The following SMOC2 variants were observed in gnomAD, a reference collection of about 807,000 sequenced individuals.
The protein encoded by SMOC2 is SPARC related modular calcium binding 2, also known as SPARC-related modular calcium-binding protein 2.
Under a neutral mutation model 61.4 loss-of-function variants are expected in SMOC2, and 39 were observed. The ratio of observed to expected loss-of-function variants is 0.64; its 90% confidence interval spans 0.49 to 0.83. The LOEUF (loss-of-function observed/expected upper bound fraction) is 0.83. Among genes scored for constraint, SMOC2 ranks in the 40% least tolerant of loss-of-function variants. SMOC2 has a pLI of 0.00. For synonymous variants in SMOC2, 247 were observed against 239.9 expected, an observed-to-expected ratio of 1.03 and a Z score of -0.27; for missense variants, 556 against 592.9, an observed-to-expected ratio of 0.94 and a Z score of 0.65.
chr6:168,522,198 CAA>C (rs942696663), intron 2 of SMOC2, among the ~76,000 whole-genome samples: 19 of 152,068 alleles, frequency 1.2e-4, no homozygotes, highest in African/African-American at 4.1e-4. Context: ...AACAGTGTAA[CAA>C]AGACAAAATA....
intron 8 of SMOC2, among the ~76,000 whole-genome samples, chr6:168,602,044 A>G (rs1785566445): frequency 6.6e-6 from 1 of 152,308 alleles, no homozygotes; most frequent in South Asian, 2.1e-4. Flanking sequence ...TTATTCATTC[A>G]TTCAGCACAA....
intron 9 of SMOC2, among the ~76,000 whole-genome samples, chr6:168,638,418 A>G (rs1233675506): frequency 3.3e-5 from 5 of 152,164 alleles, no homozygotes; most frequent in Non-Finnish European, 2.9e-5. Flanking sequence ...GTCTTCCTTC[A>G]TGTTTCTCGT....
chr6:168,470,970 ATG>A (rs987558097), intron 1 of SMOC2, among the ~76,000 whole-genome samples: 5 of 152,322 alleles, frequency 3.3e-5, no homozygotes, highest in Admixed American at 1.3e-4. Context: ...GGAATATCAA[ATG>A]TGAGATGCTG....
Position 168,553,991 on chromosome 6 carries a change from T to A in SMOC2, c.637+4788T>A, listed in dbSNP as rs1784187950. ...TTTCACGTTTTGGTAGGAAGATTAT[T>A]CCATGGGACGAGTCGGTTAAAACTC... On this transcript the variant is annotated intron_variant, in intron 7 of 12. Transcript: ENST00000356284. This position sits in a 1 kb window ranked among gnomAD's most constrained non-coding sequence, Gnocchi z 4.2. 1.3e-5 allele frequency among the ~76,000 whole-genome samples: 2 copies of A among 149,114 alleles called. No individual in the cohort carries two copies. Among genetic ancestry groups the A allele is most frequent in the Non-Finnish European group, 2.9e-5 (2 of 67,812 alleles).
At chr6:168,501,369 G>A (rs1275897156) in intron 1 of SMOC2, among the ~76,000 whole-genome samples, 1 of 152,176 alleles carries the variant, frequency 6.6e-6, no homozygotes, top group Non-Finnish European at 1.5e-5. Context: ...AAGGAGAAGA[G>A]AGTTGCAGAG....
chr6:168,441,224 A>T lies in SMOC2; in HGVS notation c.-147A>T. On this transcript the variant is annotated 5_prime_UTR_variant, in exon 1 of 13. Transcript: ENST00000356284. Reference sequence around the variant, plus strand: ...TGGGTGCCTGCAGGGGAGCTGCTCCAGCCGGGCCGCCGGGAGCGGTGGGGA... The same window carrying T: ...TGGGTGCCTGCAGGGGAGCTGCTCCTGCCGGGCCGCCGGGAGCGGTGGGGA... 1 of 1,264,094 alleles carries T rather than the reference A, an allele frequency of 7.9e-7. No individual in the cohort carries two copies. The highest frequency in any genetic ancestry group is 1.0e-6 in the Non-Finnish European group (1 of 986,856). The allele number at this position is 1,264,094 out of a possible 1,614,324, so 78.3% of individuals were successfully genotyped here.
chr6:168,503,280 G>A (rs945355870), intron 1 of SMOC2, among the ~76,000 whole-genome samples: 63 of 151,382 alleles, frequency 4.2e-4, no homozygotes, highest in African/African-American at 1.5e-3. Context: ...GTTTCAGCAT[G>A]TTGGCCAGGC....
chr6:168,470,449 TG>T (rs1292093585), intron 1 of SMOC2, among the ~76,000 whole-genome samples: 1 of 152,166 alleles, frequency 6.6e-6, no homozygotes, highest in East Asian at 1.9e-4. Flanking sequence ...GCCGAGTCGG[TG>T]GGCTGCTTGA....
In SMOC2 at chr6:168,599,024, C is replaced by T; in HGVS notation, c.824+20C>T. The T allele has an allele frequency of 6.4e-7, 1 of 1,557,384 alleles. No individual in the cohort carries two copies. The highest frequency in any genetic ancestry group is 1.2e-5 in the South Asian group (1 of 85,798). ...CACAAGGTAAATAGGGTGCACCCAC[C>T]CCCCCCGGGACCATGGGAGGCTTTG... is the stretch of plus-strand genomic sequence containing the variant. On this transcript the variant is annotated intron_variant, in intron 8 of 12. Transcript: ENST00000356284.
intron 11 of SMOC2, among the ~76,000 whole-genome samples, chr6:168,659,714 C>CT (rs1787445757): frequency 5.7e-4 from 1 of 1,762 alleles, no homozygotes; most frequent in African/African-American, 2.0e-3. Context: ...AGGTTGTAGG[C>CT]TGAGTGAGGG....
At chr6:168,506,274 G>A (rs1356012644) in intron 1 of SMOC2, among the ~76,000 whole-genome samples, 1 of 152,148 alleles carries the variant, frequency 6.6e-6, no homozygotes, top group Non-Finnish European at 1.5e-5. Flanking sequence ...GGCCTCAGCA[G>A]ATCCTTCCAT....
At position 168,509,763 on chromosome 6, in the gene SMOC2, C is replaced by G. The variant is rs2749256; in HGVS notation, c.85-152C>G. 0.37 allele frequency: 218,627 copies of G among 587,674 alleles called. 43,233 individuals are homozygous for G. Among genetic ancestry groups the G allele is most frequent in the South Asian group, 0.47 (13,702 of 29,044 alleles). 36.4% of individuals were successfully genotyped at this position (587,674 alleles called of 1,614,324 possible). On this transcript the variant is annotated intron_variant, in intron 1 of 12. Transcript: ENST00000356284. ...GATGGCTAAAATGTTCAGAGGTGCA[C>G]GTGGCGCTTCTGGCAGGGGTGAGAA... is the stretch of plus-strand genomic sequence containing the variant.
intron 1 of SMOC2, among the ~76,000 whole-genome samples, chr6:168,476,892 T>C (rs773801765): frequency 3.3e-5 from 5 of 152,210 alleles, no homozygotes; most frequent in Non-Finnish European, 7.3e-5. Context: ...ATGAAACATT[T>C]GGAACTGCTT....
At chr6:168,661,611 C>CA (rs113213122) in intron 11 of SMOC2, among the ~76,000 whole-genome samples, 1 of 151,084 alleles carries the variant, frequency 6.6e-6, no homozygotes, top group Non-Finnish European at 1.5e-5. Flanking sequence ...AACCTCCCCC[C>CA]AAAAAAAAGA....
Position 168,525,416 on chromosome 6 carries a change from C to A in SMOC2, c.257-930C>A, listed in dbSNP as rs574486050. Among the ~76,000 whole-genome samples, 4 of 152,326 alleles carry A rather than the reference C, an allele frequency of 2.6e-5. No homozygotes were observed. The South Asian group carries it at 8.3e-4, about 32-fold the overall frequency. Reference sequence around the variant, plus strand: ...GTGGTCCTCACGTGTCTTAACCTGGCCCTGATTGTGCAAGTTAGGGAGAAA... The same window carrying A: ...GTGGTCCTCACGTGTCTTAACCTGGACCTGATTGTGCAAGTTAGGGAGAAA... On this transcript the variant is annotated intron_variant, in intron 2 of 12. Coordinates refer to ENST00000356284, the MANE Select transcript of SMOC2 (RefSeq NM_001166412.2).
intron 4 of SMOC2, among the ~76,000 whole-genome samples, chr6:168,533,805 A>C (rs9456166): frequency 6.6e-6 from 1 of 152,254 alleles, no homozygotes; most frequent in South Asian, 2.1e-4. Flanking sequence ...AATTTAAAAG[A>C]AAATGTAAAA....
At chr6:168,559,258 C>T (rs553752421) in intron 7 of SMOC2, among the ~76,000 whole-genome samples, 33 of 152,072 alleles carry the variant, frequency 2.2e-4, no homozygotes, top group African/African-American at 7.7e-4. Flanking sequence ...GAGTTCGAGA[C>T]CAGCCTGGCC....
At chr6:168,537,912 G>C (rs1168046922) in intron 4 of SMOC2, among the ~76,000 whole-genome samples, 1 of 152,232 alleles carries the variant, frequency 6.6e-6, no homozygotes, top group African/African-American at 2.4e-5. Context: ...AAGCCCACCT[G>C]TGTGACATGG....
At chr6:168,630,970 G>A (rs1183451157) in intron 9 of SMOC2, among the ~76,000 whole-genome samples, 1 of 152,184 alleles carries the variant, frequency 6.6e-6, no homozygotes, top group African/African-American at 2.4e-5. Flanking sequence ...AACTTCATTA[G>A]CAATTTTAAT....
Sources: gnomAD v4.1 joint callset for allele counts (sites outside exome capture counted in the v4.1 genomes callset) on GRCh38, gnomAD v4.1.1 for gene constraint, Gnocchi (gnomAD v3.1) non-coding constraint, MANE v1.5 for transcripts, NCBI Gene and HGNC (gene_info 2026-07-23, HGNC 2026-07-21) for gene names.